The following KCNQ3 variants were observed in gnomAD, a reference collection of about 807,000 sequenced individuals.
KCNQ3 encodes the protein potassium voltage-gated channel subfamily Q member 3, also known as potassium voltage-gated channel subfamily KQT member 3.
In KCNQ3, 30 loss-of-function variants were observed where a neutral mutation model predicts 92.5. The observed-to-expected ratio is 0.32, with a 90% CI of 0.24 to 0.44. The LOEUF (loss-of-function observed/expected upper bound fraction) is 0.44. Among genes scored for constraint, KCNQ3 ranks in the 20% least tolerant of loss-of-function variants. KCNQ3 has a pLI of 1.00. For missense variants in KCNQ3, 913 were observed against 1,140.3 expected, an observed-to-expected ratio of 0.80 and a Z score of 2.87; for synonymous variants, 450 against 468.8, an observed-to-expected ratio of 0.96 and a Z score of 0.52.
intron 1 of KCNQ3, among the ~76,000 whole-genome samples, chr8:132,269,622 AGCCCCCTATT>A (rs1816091883): frequency 6.6e-6 from 1 of 150,792 alleles, no homozygotes; most frequent in Non-Finnish European, 1.5e-5. Flanking sequence ...GAAACAACCG[AGCCCCCTATT>A]GCCAATTAGA....
chr8:132,195,008 C>A (rs11984759), intron 1 of KCNQ3, among the ~76,000 whole-genome samples: 2 of 152,100 alleles, frequency 1.3e-5, no homozygotes, highest in Non-Finnish European at 2.9e-5. Context: ...GATTACAACC[C>A]GTCCACTTCT....
At chr8:132,232,854 T>G (rs548985125) in intron 1 of KCNQ3, among the ~76,000 whole-genome samples, 1 of 152,286 alleles carries the variant, frequency 6.6e-6, no homozygotes, top group East Asian at 1.9e-4. Flanking sequence ...AGTCTTTTGG[T>G]TTTTCCTCAT....
At chr8:132,222,323 A>AT (rs1308542335) in intron 1 of KCNQ3, among the ~76,000 whole-genome samples, 1 of 152,234 alleles carries the variant, frequency 6.6e-6, no homozygotes, top group Non-Finnish European at 1.5e-5. Flanking sequence ...ACATCCACCC[A>AT]TTGATCTGAA....
chr8:132,176,433 ATAG>A (rs1226642893), intron 4 of KCNQ3, among the ~76,000 whole-genome samples: 1 of 152,182 alleles, frequency 6.6e-6, no homozygotes, highest in Non-Finnish European at 1.5e-5. Context: ...AAGATTTATC[ATAG>A]TAGGTTGGGC....
At chr8:132,160,387 CA>C (rs1253151896) in intron 9 of KCNQ3, among the ~76,000 whole-genome samples, 2 of 152,108 alleles carry the variant, frequency 1.3e-5, no homozygotes, top group African/African-American at 4.8e-5. Context: ...TGCTTGAGAT[CA>C]ATTTCCTCAT....
intron 1 of KCNQ3, among the ~76,000 whole-genome samples, chr8:132,301,111 C>T (rs955862478): frequency 1.3e-5 from 2 of 152,158 alleles, no homozygotes; most frequent in African/African-American, 4.8e-5. Flanking sequence ...CATCACTCTT[C>T]CCTTGCCTTA....
intron 1 of KCNQ3, among the ~76,000 whole-genome samples, chr8:132,261,588 T>C (rs940180820): frequency 6.6e-6 from 1 of 152,108 alleles, no homozygotes; most frequent in African/African-American, 2.4e-5. Flanking sequence ...TGGCAGAATG[T>C]GTGGGTGGCA....
chr8:132,171,280 G>A (rs1041915245), intron 7 of KCNQ3, among the ~76,000 whole-genome samples: 10 of 152,016 alleles, frequency 6.6e-5, no homozygotes, highest in Admixed American at 3.9e-4. Context: ...CACAATATGC[G>A]GGATGACATC....
Position 132,125,444 on chromosome 8 carries a change from C to T in KCNQ3, c.*3818G>A, listed in dbSNP as rs1049783065. 2 of 152,210 alleles carry T rather than the reference C, an allele frequency of 1.3e-5. No homozygotes were observed. Among genetic ancestry groups the T allele is most frequent in the African/African-American group, 2.4e-5 (1 of 41,454 alleles). 9.4% of individuals were successfully genotyped at this position (152,210 alleles called of 1,614,324 possible). A position where few individuals can be genotyped will look rare whatever the true frequency, so the allele number is the denominator to read the frequency against. On this transcript the variant is annotated 3_prime_UTR_variant, in exon 15 of 15. Coordinates refer to ENST00000388996, the MANE Select transcript of KCNQ3 (RefSeq NM_004519.4). ...ATGTTTGAGACCTCTAGATTCCTAG[C>T]ATTTTGATGGCAGAAACTGTGGTTT...
At chr8:132,301,227 C>T (rs940161715) in intron 1 of KCNQ3, among the ~76,000 whole-genome samples, 2 of 152,178 alleles carry the variant, frequency 1.3e-5, no homozygotes, top group African/African-American at 4.8e-5. Context: ...CTTCTCCACA[C>T]TTCCAGATTC....
chr8:132,353,799 G>A (rs1818941606), intron 1 of KCNQ3, among the ~76,000 whole-genome samples: 1 of 152,182 alleles, frequency 6.6e-6, no homozygotes, highest in East Asian at 1.9e-4. Context: ...AGGTGACAGA[G>A]TGAGATTCTG....
intron 9 of KCNQ3, among the ~76,000 whole-genome samples, chr8:132,155,896 C>G (rs1190282958): frequency 6.6e-6 from 1 of 152,102 alleles, no homozygotes; most frequent in Non-Finnish European, 1.5e-5. Flanking sequence ...TTGGAAGGAA[C>G]AGCATCATTA....
At chr8:132,200,862 A>T (rs1331805815) in intron 1 of KCNQ3, among the ~76,000 whole-genome samples, 1 of 152,174 alleles carries the variant, frequency 6.6e-6, no homozygotes, top group African/African-American at 2.4e-5. Context: ...CCCCAGGTGC[A>T]TGTTTACAGA....
At chr8:132,344,060 T>C (rs1412081633) in intron 1 of KCNQ3, among the ~76,000 whole-genome samples, 4 of 152,140 alleles carry the variant, frequency 2.6e-5, no homozygotes, top group African/African-American at 9.7e-5. Flanking sequence ...TGGTGAGAAA[T>C]CCAGGCTTCT....
chr8:132,130,499 G>GT (rs1416343526), intron 14 of KCNQ3, among the ~76,000 whole-genome samples: 4 of 152,174 alleles, frequency 2.6e-5, no homozygotes, highest in Non-Finnish European at 4.4e-5. Context: ...TGCACACCAG[G>GT]TATTAATGTT....
In KCNQ3 at chr8:132,134,326, C is replaced by G. The variant is rs1389239356; in HGVS notation, c.1763G>C (p.Gly588Ala). 4 of 1,613,854 alleles carry G rather than the reference C, an allele frequency of 2.5e-6. No individual in the cohort carries two copies. The highest frequency in any genetic ancestry group is 3.4e-6 in the Non-Finnish European group (4 of 1,179,994). Residue 588 changes from glycine (G) to alanine (A), a missense_variant, in exon 13 of 15, where the codon GGG (glycine) becomes GCG (alanine). Coordinates refer to ENST00000388996, the MANE Select transcript of KCNQ3 (RefSeq NM_004519.4). ...CTGGGATGGGAAGGTGAATGCTGAC[C>G]CTTTCTGAGACTTCTTGTGTTTTGG... ...STPKHKKSQK[G>A]SAFTFPSQQS...
intron 8 of KCNQ3, among the ~76,000 whole-genome samples, chr8:132,169,314 T>A (rs1826238891): frequency 6.6e-6 from 1 of 152,184 alleles, no homozygotes; most frequent in Non-Finnish European, 1.5e-5. Flanking sequence ...CTGATGCACC[T>A]CAAATCTTCT....
At chr8:132,201,957 A>G (rs969966311) in intron 1 of KCNQ3, among the ~76,000 whole-genome samples, 14 of 152,190 alleles carry the variant, frequency 9.2e-5, no homozygotes, top group African/African-American at 3.4e-4. Flanking sequence ...CAGCTCTTGC[A>G]TTCTTTATGT....
intron 1 of KCNQ3, among the ~76,000 whole-genome samples, chr8:132,308,585 A>T (rs1817502481): frequency 6.6e-6 from 1 of 152,188 alleles, no homozygotes; most frequent in South Asian, 2.1e-4. Context: ...GAAATCAGAC[A>T]CTGTGATTCA....
Sources: allele counts gnomAD v4.1 joint callset (sites outside exome capture counted in the v4.1 genomes callset), GRCh38; gene constraint gnomAD v4.1.1; transcripts MANE v1.5; gene names NCBI Gene and HGNC (gene_info 2026-07-23, HGNC 2026-07-21).